PRKAG2: variants seen among roughly 807,000 people sequenced by gnomAD.
PRKAG2 encodes the protein protein kinase AMP-activated non-catalytic subunit gamma 2.
PRKAG2 carries 26 observed loss-of-function variants against 69.6 expected under a neutral mutation model. The ratio of observed to expected loss-of-function variants is 0.37; its 90% confidence interval spans 0.27 to 0.52. The LOEUF (loss-of-function observed/expected upper bound fraction) is 0.52. Ranked by LOEUF, PRKAG2 falls within the 20% of genes least tolerant of loss-of-function variation. The pLI is 0.90. For missense variants in PRKAG2, 557 were observed against 740.0 expected (o/e 0.75, Z 2.87); for synonymous variants, 293 against 285.0 (o/e 1.03, Z -0.28).
Position 151,741,281 on chromosome 7 carries a change from A to T in PRKAG2, c.466+39871T>A, listed in dbSNP as rs368914677. On this transcript the variant is annotated intron_variant, in intron 3 of 15. Transcript: ENST00000287878. ...AACATCTTTAGGAAAAGACCTGAAC[A>T]AGTATCCCAATAAGAAAGAGGCAGA... Among the ~76,000 whole-genome samples the T allele has an allele frequency of 2.6e-4, 40 of 152,358 alleles. No homozygotes were observed. The East Asian group carries it at 3.7e-3, about 14-fold the overall frequency.
chr7:151,576,973 G>A (rs1218338713), intron 6 of PRKAG2, among the ~76,000 whole-genome samples: 4 of 122,028 alleles, frequency 3.3e-5, no homozygotes, highest in African/African-American at 9.8e-5. Context: ...TTGAAATAAT[G>A]CAATTAACTT....
chr7:151,759,145 G>C (rs748301202), intron 3 of PRKAG2, among the ~76,000 whole-genome samples: 5 of 152,082 alleles, frequency 3.3e-5, no homozygotes, highest in Non-Finnish European at 5.9e-5. Context: ...TCCCTACTTG[G>C]TTCTGGCCAC....
intron 3 of PRKAG2, among the ~76,000 whole-genome samples, chr7:151,704,992 C>T (rs988596358): frequency 1.3e-5 from 2 of 152,202 alleles, no homozygotes; most frequent in Non-Finnish European, 2.9e-5. Context: ...CAGCCATGAA[C>T]GAAATGAGGT....
chr7:151,851,294 A>G (rs2079561161), intron 1 of PRKAG2, among the ~76,000 whole-genome samples: 1 of 152,042 alleles, frequency 6.6e-6, no homozygotes. Context: ...GCATTTTGCT[A>G]AGAACGGGTT....
At chr7:151,846,115 T>C (rs1044590933) in intron 1 of PRKAG2, among the ~76,000 whole-genome samples, 14 of 152,216 alleles carry the variant, frequency 9.2e-5, no homozygotes, top group African/African-American at 3.4e-4. Flanking sequence ...CTGTTTATTT[T>C]TACAATTTAT....
At chr7:151,803,265 G>A (rs2077936671) in intron 1 of PRKAG2, among the ~76,000 whole-genome samples, 1 of 152,130 alleles carries the variant, frequency 6.6e-6, no homozygotes, top group African/African-American at 2.4e-5. Flanking sequence ...ACCTAGATAA[G>A]TGATTTTAAA....
intron 3 of PRKAG2, among the ~76,000 whole-genome samples, chr7:151,740,883 C>T (rs548995245): frequency 2.0e-5 from 3 of 152,174 alleles, no homozygotes; most frequent in Non-Finnish European, 4.4e-5. Context: ...CGAAATCTAC[C>T]GCCAGCTAGG....
At chr7:151,625,621 C>A (rs1057229975) in intron 5 of PRKAG2, among the ~76,000 whole-genome samples, 3 of 152,030 alleles carry the variant, frequency 2.0e-5, no homozygotes, top group African/African-American at 7.2e-5. Flanking sequence ...ATGACACTGG[C>A]CGGGAGTGAG....
At chr7:151,819,000 A>G (rs1036115879) in intron 1 of PRKAG2, among the ~76,000 whole-genome samples, 3 of 152,208 alleles carry the variant, frequency 2.0e-5, no homozygotes, top group African/African-American at 7.2e-5. Context: ...CGCCGTGAAC[A>G]TCCTTGTTGA....
intron 1 of PRKAG2, among the ~76,000 whole-genome samples, chr7:151,830,137 A>G (rs1417008765): frequency 1.0e-5 from 1 of 96,744 alleles, no homozygotes. Context: ...TTTTTTTTTT[A>G]CCATGCTCAC....
intron 4 of PRKAG2, among the ~76,000 whole-genome samples, chr7:151,671,369 A>G (rs895786023): frequency 6.6e-6 from 1 of 152,242 alleles, no homozygotes; most frequent in East Asian, 1.9e-4. Context: ...AGACCATCAA[A>G]AGTCTTTAAG....
rs142934904 is a variant in PRKAG2, at chr7:151,774,429, C to A, written c.466+6723G>T. ...AGTGTCTTAGAAGATTGAATTACCTCTTTTTCCTTTTTCATTTCTCCCTCT... is the reference window on the plus strand; with the variant it reads ...AGTGTCTTAGAAGATTGAATTACCTATTTTTCCTTTTTCATTTCTCCCTCT... On this transcript the variant is annotated intron_variant, in intron 3 of 15. Transcript: ENST00000287878. Among the ~76,000 whole-genome samples the A allele has an allele frequency of 4.6e-5, 7 of 152,336 alleles. No homozygotes were observed. In the East Asian group the frequency reaches 1.4e-3, roughly 29 times the overall value.
rs149156961 is a variant in PRKAG2, at chr7:151,775,694, G to A, written c.466+5458C>T. Among the ~76,000 whole-genome samples the A allele has an allele frequency of 1.0e-3, 153 of 152,304 alleles. 1 individual carries two copies. The Middle Eastern group carries it at 0.017, about 17-fold the overall frequency. On this transcript the variant is annotated intron_variant, in intron 3 of 15. Coordinates refer to ENST00000287878, the MANE Select transcript of PRKAG2 (RefSeq NM_016203.4). The stretch of plus-strand genomic sequence containing the variant: ...GTCTGCTAGAGACAAAAGCAGTCCC[G>A]TTGATCAGAAGTTCAGCTATTCTTG...
intron 3 of PRKAG2, among the ~76,000 whole-genome samples, chr7:151,759,788 T>C (rs2075308899): frequency 6.6e-6 from 1 of 152,240 alleles, no homozygotes; most frequent in Non-Finnish European, 1.5e-5. Context: ...GGCCAGCTGT[T>C]CTCAGGGCCA....
intron 1 of PRKAG2, among the ~76,000 whole-genome samples, chr7:151,819,187 C>T (rs2078714179): frequency 6.6e-6 from 1 of 152,190 alleles, no homozygotes; most frequent in Non-Finnish European, 1.5e-5. Flanking sequence ...CCTCCACCTC[C>T]GAGGACCCAG....
At chr7:151,675,765 G>T in intron 3 of PRKAG2, 128 bp from the exon 4 acceptor site, 1 of 874,060 alleles carries the variant, frequency 1.1e-6, no homozygotes, top group Non-Finnish European at 1.9e-6. Flanking sequence ...AGGAAGGGAC[G>T]TCGGGGGCAG....
At chr7:151,704,635 T>C (rs1298488465) in intron 3 of PRKAG2, among the ~76,000 whole-genome samples, 1 of 152,198 alleles carries the variant, frequency 6.6e-6, no homozygotes, top group Non-Finnish European at 1.5e-5. Context: ...TTAATGTATT[T>C]ATTCAGCACA....
At chr7:151,829,917 G>A (rs1280607840) in intron 1 of PRKAG2, among the ~76,000 whole-genome samples, 15 of 151,838 alleles carry the variant, frequency 9.9e-5, no homozygotes, top group Admixed American at 9.2e-4. Context: ...AGTTCCTGAG[G>A]AGACCGAGGC....
intron 1 of PRKAG2, among the ~76,000 whole-genome samples, chr7:151,874,015 T>C (rs1454033446): frequency 7.0e-6 from 1 of 143,186 alleles, no homozygotes; most frequent in Non-Finnish European, 1.5e-5. Context: ...TGTATAAGTA[T>C]ATGTATATGA....
Sources: gnomAD v4.1 joint callset for allele counts (sites outside exome capture counted in the v4.1 genomes callset) on GRCh38, gnomAD v4.1.1 for gene constraint, MANE v1.5 for transcripts, NCBI Gene and HGNC (gene_info 2026-07-23, HGNC 2026-07-21) for gene names.